FRMD4A: variants seen among roughly 807,000 people sequenced by gnomAD.
The protein encoded by FRMD4A is FERM domain-containing protein 4A.
Under a neutral mutation model 129.1 loss-of-function variants are expected in FRMD4A, and 29 were observed. The observed-to-expected ratio is 0.22, with a 90% CI of 0.17 to 0.31. The LOEUF (loss-of-function observed/expected upper bound fraction) is 0.31. Among genes scored for constraint, FRMD4A ranks in the 10% least tolerant of loss-of-function variants. The pLI, the probability that FRMD4A is intolerant of heterozygous loss-of-function variation, is 1.00. For missense variants in FRMD4A, 1,272 were observed against 1,375.8 expected, an observed-to-expected ratio of 0.92 and a Z score of 1.19; for synonymous variants, 634 against 571.6, an observed-to-expected ratio of 1.11 and a Z score of -1.56.
intron 2 of FRMD4A, among the ~76,000 whole-genome samples, chr10:14,161,944 T>C (rs1840908155): frequency 6.6e-6 from 1 of 151,786 alleles, no homozygotes; most frequent in Non-Finnish European, 1.5e-5. Context: ...TGTATCAATA[T>C]GCAAAGGCAA....
At chr10:14,131,472 G>A (rs1167711217) in intron 2 of FRMD4A, among the ~76,000 whole-genome samples, 2 of 151,234 alleles carry the variant, frequency 1.3e-5, no homozygotes, top group East Asian at 2.0e-4. Flanking sequence ...ATGAAGTCCA[G>A]TTACGTGTGA....
chr10:14,017,590 C>G (rs2095703141), intron 2 of FRMD4A, among the ~76,000 whole-genome samples: 1 of 152,120 alleles, frequency 6.6e-6, no homozygotes, highest in Admixed American at 6.5e-5. Flanking sequence ...GCTTCCTTTT[C>G]CAGGAGGAGA....
rs117246668 is a variant in FRMD4A at position 14,093,625 on chromosome 10, A to G, written c.46-234713T>C. On this transcript the variant is annotated intron_variant, in intron 2 of 24. Coordinates refer to ENST00000357447, the MANE Select transcript of FRMD4A (RefSeq NM_018027.5). ...GTATGCACTATTTTCTGCAAAGAAA[A>G]TATGTTTATGGACAATAAACAAATG... is the stretch of plus-strand genomic sequence containing the variant. Among the ~76,000 whole-genome samples the G allele has an allele frequency of 3.9e-5, 6 of 152,376 alleles. No individual in the cohort carries two copies. In the East Asian group the frequency reaches 1.2e-3, roughly 29 times the overall value.
chr10:14,009,485 G>A (rs1344135436), intron 2 of FRMD4A, among the ~76,000 whole-genome samples: 1 of 152,146 alleles, frequency 6.6e-6, no homozygotes, highest in Non-Finnish European at 1.5e-5. Flanking sequence ...CTGCAGACCA[G>A]TGTGCTTACT....
At chr10:14,127,605 A>T (rs1251976341) in intron 2 of FRMD4A, among the ~76,000 whole-genome samples, 3 of 152,056 alleles carry the variant, frequency 2.0e-5, no homozygotes, top group Non-Finnish European at 4.4e-5. Flanking sequence ...GAATAATGAT[A>T]GTGTCTGCCT....
chr10:13,821,319 G>A lies in FRMD4A; in HGVS notation c.112-10411C>T, dbSNP rs551702221. 3.5e-4 allele frequency among the ~76,000 whole-genome samples: 54 copies of A among 152,256 alleles called. No individual in the cohort carries two copies. The highest frequency in any genetic ancestry group is 6.5e-4 in the Non-Finnish European group (44 of 67,998). ...GGGAGGCTACTTCCTGTAGGCAGAC[G>A]GGTGTGAAGAACAATGGAGTTGCAC... is the stretch of plus-strand genomic sequence containing the variant. On this transcript the variant is annotated intron_variant, in intron 3 of 24. Coordinates refer to ENST00000357447, the MANE Select transcript of FRMD4A (RefSeq NM_018027.5). This position sits in a 1 kb window ranked among gnomAD's most constrained non-coding sequence, Gnocchi z 4.3.
intron 2 of FRMD4A, among the ~76,000 whole-genome samples, chr10:14,143,678 G>A (rs536753866): frequency 2.0e-5 from 3 of 152,208 alleles, no homozygotes; most frequent in Admixed American, 6.5e-5. Flanking sequence ...GCAATGGTGC[G>A]ATCTGAGCTC....
chr10:13,679,079 T>C (rs767320242), intron 15 of FRMD4A, among the ~76,000 whole-genome samples: 3 of 152,072 alleles, frequency 2.0e-5, no homozygotes, highest in Non-Finnish European at 2.9e-5. Context: ...TCCCAGCCTC[T>C]AGAAACTTCT....
intron 2 of FRMD4A, among the ~76,000 whole-genome samples, chr10:13,867,074 A>G (rs1440381019): frequency 2.0e-5 from 3 of 152,160 alleles, no homozygotes; most frequent in African/African-American, 7.2e-5. Context: ...GCTAAAATCT[A>G]TTTATGTAAC....
At position 13,693,361 on chromosome 10, in the gene FRMD4A, G is replaced by A. The variant is rs577546735; in HGVS notation, c.1117+537C>T. ...ACAAAATGACTTGGCCAAGGCTGGC[G>A]GAAGCGGACGACGGAACCAGATCTC... On this transcript the variant is annotated intron_variant, in intron 15 of 24. Transcript: ENST00000357447. The A allele has an allele frequency of 4.6e-5, 13 of 284,032 alleles. 1 individual carries two copies. In the East Asian group the frequency reaches 6.0e-4, roughly 13 times the overall value. 17.6% of individuals were successfully genotyped at this position (284,032 alleles called of 1,614,324 possible). A position where few individuals can be genotyped will look rare whatever the true frequency, so the allele number is the denominator to read the frequency against.
intron 14 of FRMD4A, among the ~76,000 whole-genome samples, chr10:13,697,518 T>C (rs1166144553): frequency 2.0e-5 from 3 of 152,216 alleles, no homozygotes; most frequent in African/African-American, 7.2e-5. Context: ...CGGGAGGACA[T>C]GGGCATTGTC....
At position 14,183,611 on chromosome 10, in the gene FRMD4A, T is replaced by A. The variant is rs1250664512; in HGVS notation, c.45+146447A>T. 3.9e-5 allele frequency among the ~76,000 whole-genome samples: 6 copies of A among 152,322 alleles called. No individual in the cohort carries two copies. In the East Asian group the frequency reaches 1.2e-3, roughly 29 times the overall value. On this transcript the variant is annotated intron_variant, in intron 2 of 24. Transcript: ENST00000357447. ...GCACAAAGGAAAGTAATTGCTTGAT[T>A]CAATTTCTCACTGTGTCAAAATAAT...
chr10:13,733,372 TG>T (rs1194750663), intron 12 of FRMD4A, among the ~76,000 whole-genome samples: 2 of 152,050 alleles, frequency 1.3e-5, no homozygotes, highest in African/African-American at 2.4e-5. Context: ...CTTAGCGGGG[TG>T]GGGGGGTACC....
At chr10:14,188,279 G>T (rs571759150) in intron 2 of FRMD4A, among the ~76,000 whole-genome samples, 1 of 152,290 alleles carries the variant, frequency 6.6e-6, no homozygotes, top group East Asian at 1.9e-4. Context: ...CCTGCTTGCT[G>T]CCTGGGCTCT....
At chr10:13,824,769 C>T (rs192473524) in intron 3 of FRMD4A, among the ~76,000 whole-genome samples, 1 of 151,828 alleles carries the variant, frequency 6.6e-6, no homozygotes, top group East Asian at 1.9e-4. Context: ...GTGGTGCATG[C>T]CTGTAATCAA....
chr10:13,858,976 G>C, intron 2 of FRMD4A, 64 bp from the exon 3 acceptor site: 1 of 953,634 alleles, frequency 1.0e-6, no homozygotes. Flanking sequence ...TTAGAGGGTC[G>C]CCGACGCTGC....
chr10:13,971,338 T>C (rs1588630443), intron 2 of FRMD4A, among the ~76,000 whole-genome samples: 2 of 152,198 alleles, frequency 1.3e-5, no homozygotes, highest in East Asian at 3.8e-4. Flanking sequence ...TTTGAACAAC[T>C]TACATCCTTC....
At chr10:14,232,605 G>A (rs556883346) in intron 2 of FRMD4A, among the ~76,000 whole-genome samples, 1 of 152,176 alleles carries the variant, frequency 6.6e-6, no homozygotes, top group Non-Finnish European at 1.5e-5. Context: ...TTCTTCAGCA[G>A]TGTTGTGTAA....
intron 9 of FRMD4A, among the ~76,000 whole-genome samples, chr10:13,745,710 G>T (rs1295632981): frequency 6.6e-6 from 1 of 152,162 alleles, no homozygotes; most frequent in Non-Finnish European, 1.5e-5. Context: ...GGTTTGGAAA[G>T]GAATGAATGA....
Sources: gnomAD v4.1 joint callset for allele counts (sites outside exome capture counted in the v4.1 genomes callset) on GRCh38, gnomAD v4.1.1 for gene constraint, Gnocchi (gnomAD v3.1) non-coding constraint, MANE v1.5 for transcripts, NCBI Gene and HGNC (gene_info 2026-07-23, HGNC 2026-07-21) for gene names.